The following JARID2 variants were observed in gnomAD, a reference collection of about 807,000 sequenced individuals.
JARID2 encodes the protein jumonji and AT-rich interaction domain containing 2, also known as protein Jumonji.
In JARID2, 21 loss-of-function variants were observed where a neutral mutation model predicts 125.6. That is an observed-to-expected ratio of 0.17 (90% CI 0.12 to 0.24). The LOEUF (loss-of-function observed/expected upper bound fraction) is 0.24, where lower values mean the gene tolerates loss of function less well. Among genes scored for constraint, JARID2 ranks in the 10% least tolerant of loss-of-function variants. The pLI is 1.00. For synonymous variants in JARID2, 736 were observed against 661.6 expected (o/e 1.11, Z -1.73); for missense variants, 1,303 against 1,639.6 (o/e 0.79, Z 3.55).
intron 2 of JARID2, among the ~76,000 whole-genome samples, chr6:15,394,960 T>C (rs1159535155): frequency 6.7e-6 from 1 of 149,096 alleles, no homozygotes; most frequent in East Asian, 2.0e-4. Context: ...TTTTTGGAAA[T>C]GGACATAGAA....
chr6:15,501,790 A>G (rs991871329), intron 8 of JARID2, among the ~76,000 whole-genome samples: 2 of 152,160 alleles, frequency 1.3e-5, no homozygotes, highest in African/African-American at 4.8e-5. Flanking sequence ...CCTTTTCATT[A>G]ACTGGCTTGC....
intron 4 of JARID2, among the ~76,000 whole-genome samples, chr6:15,465,500 T>C (rs1768677075): frequency 6.6e-6 from 1 of 152,220 alleles, no homozygotes; most frequent in Non-Finnish European, 1.5e-5. Flanking sequence ...GATGCTGAAC[T>C]GAGCGTCTAG....
intron 3 of JARID2, among the ~76,000 whole-genome samples, chr6:15,441,941 G>T (rs1247523740): frequency 6.6e-6 from 1 of 152,032 alleles, no homozygotes; most frequent in Non-Finnish European, 1.5e-5. Flanking sequence ...ACAGGCGCCT[G>T]CTACCACGCC....
intron 1 of JARID2, among the ~76,000 whole-genome samples, chr6:15,373,705 G>T (rs184865471): frequency 7.2e-4 from 110 of 152,264 alleles, no homozygotes; most frequent in African/African-American, 2.6e-3. Context: ...TAAGAGCTCC[G>T]TACATATTTC....
rs1335323683 is a variant in JARID2, at chr6:15,283,371, C to T, written c.45+36787C>T. On this transcript the variant is annotated intron_variant, in intron 1 of 17. Transcript: ENST00000341776. ...TTTTTTTTTTTTTGAGATGGAGTCT[C>T]ACTCTGTGGCTCAGGCTGGAGCACA... 2.1e-5 allele frequency among the ~76,000 whole-genome samples: 3 copies of T among 141,058 alleles called. No homozygotes were observed. In the Admixed American group the frequency reaches 2.2e-4, roughly 10 times the overall value. 92.5% of individuals were successfully genotyped at this position (141,058 alleles called of 152,430 possible).
intron 2 of JARID2, among the ~76,000 whole-genome samples, chr6:15,391,317 G>T (rs1357530530): frequency 6.6e-6 from 1 of 152,124 alleles, no homozygotes; most frequent in African/African-American, 2.4e-5. Context: ...AGGCGTAGTC[G>T]GTGTTAGGTT....
intron 3 of JARID2, among the ~76,000 whole-genome samples, chr6:15,415,943 C>G (rs1177193281): frequency 6.6e-6 from 1 of 150,924 alleles, no homozygotes; most frequent in African/African-American, 2.4e-5. Context: ...GGGTGGCTGC[C>G]GGGCGGAGGG....
intron 4 of JARID2, among the ~76,000 whole-genome samples, chr6:15,462,322 G>T (rs1018330842): frequency 3.9e-5 from 6 of 152,172 alleles, no homozygotes; most frequent in African/African-American, 1.4e-4. Context: ...GCAGAGATTG[G>T]CACTGGACAT....
intron 2 of JARID2, among the ~76,000 whole-genome samples, chr6:15,376,247 C>T (rs546849392): frequency 8.3e-4 from 126 of 152,318 alleles, no homozygotes; most frequent in African/African-American, 2.5e-3. Context: ...AATACAGAGA[C>T]ACCTCGGCTT....
intron 8 of JARID2, 144 bp downstream of exon 8, chr6:15,501,553 C>A: frequency 1.4e-6 from 1 of 701,132 alleles, no homozygotes; most frequent in Non-Finnish European, 2.3e-6. Flanking sequence ...TGGGTGATAG[C>A]GCTGTATTAG....
At chr6:15,497,193 G>A (rs1422716863) in intron 7 of JARID2, 23 bp downstream of exon 7, 3 of 1,507,334 alleles carry the variant, frequency 2.0e-6, no homozygotes, top group Non-Finnish European at 2.7e-6. Flanking sequence ...GGGGGGTCAG[G>A]GGGTGGTGCC....
intron 1 of JARID2, among the ~76,000 whole-genome samples, chr6:15,362,747 A>T (rs540102538): frequency 2.6e-4 from 39 of 152,320 alleles, no homozygotes; most frequent in African/African-American, 8.7e-4. Flanking sequence ...TTGTAGAGAA[A>T]GAACGTGGGG....
intron 4 of JARID2, among the ~76,000 whole-genome samples, chr6:15,452,798 T>A (rs1263002918): frequency 2.0e-5 from 3 of 152,224 alleles, no homozygotes; most frequent in African/African-American, 7.2e-5. Context: ...TACTAAGTTT[T>A]CTAATAGCTG....
intron 7 of JARID2, among the ~76,000 whole-genome samples, chr6:15,499,276 A>G (rs960036473): frequency 1.3e-5 from 2 of 152,158 alleles, no homozygotes; most frequent in African/African-American, 4.8e-5. Context: ...GCCTCTGTGT[A>G]GGTTCACTTC....
At chr6:15,459,117 A>G (rs1277384051) in intron 4 of JARID2, among the ~76,000 whole-genome samples, 1 of 152,196 alleles carries the variant, frequency 6.6e-6, no homozygotes, top group African/African-American at 2.4e-5. Context: ...TGCGAAATGG[A>G]TATTCTAGAG....
chr6:15,384,303 T>G (rs1025465631), intron 2 of JARID2, among the ~76,000 whole-genome samples: 23 of 151,972 alleles, frequency 1.5e-4, no homozygotes, highest in African/African-American at 5.6e-4. Context: ...TCCAGGGTGA[T>G]CTTGAACTCC....
At chr6:15,452,225 G>T in intron 4 of JARID2, 50 bp downstream of exon 4, 1 of 1,602,402 alleles carries the variant, frequency 6.2e-7, no homozygotes, top group South Asian at 1.1e-5. Flanking sequence ...CTACATGTAA[G>T]CCTGAGGTCT....
chr6:15,256,694 G>A (rs73359693), intron 1 of JARID2, among the ~76,000 whole-genome samples: 23,453 of 152,050 alleles, frequency 0.15, 2,620 homozygotes, highest in African/African-American at 0.32. Context: ...TCTGAAGCCT[G>A]TCACCCTGTT....
intron 12 of JARID2, among the ~76,000 whole-genome samples, chr6:15,510,907 A>AC (rs1423300660): frequency 6.6e-6 from 1 of 152,214 alleles, no homozygotes; most frequent in Non-Finnish European, 1.5e-5. Flanking sequence ...GCCTCTGTTA[A>AC]CAGAAGGAGG....
Sources: gnomAD v4.1 joint callset for allele counts (sites outside exome capture counted in the v4.1 genomes callset) on GRCh38, gnomAD v4.1.1 for gene constraint, MANE v1.5 for transcripts, NCBI Gene and HGNC (gene_info 2026-07-23, HGNC 2026-07-21) for gene names.